The following RPA3 variants were observed in gnomAD, a reference collection of about 807,000 sequenced individuals.
RPA3 encodes the protein replication protein A 14 kDa subunit.
Under a neutral mutation model 13.7 loss-of-function variants are expected in RPA3, and 24 were observed. The ratio of observed to expected loss-of-function variants is 1.75; its 90% CI spans 1.27 to 2.46. The LOEUF (loss-of-function observed/expected upper bound fraction) is 2.46, where lower values mean the gene tolerates loss of function less well. Among genes scored for constraint, RPA3 ranks in the 30% most tolerant of loss-of-function variants. RPA3 has a pLI of 0.00. For synonymous variants in RPA3, 59 were observed against 51.2 expected, an observed-to-expected ratio of 1.15 and a Z score of -0.65; for missense variants, 183 against 151.0, an observed-to-expected ratio of 1.21 and a Z score of -1.11.
At chr7:7,703,448 A>G (rs914739629) in intron 2 of RPA3, among the ~76,000 whole-genome samples, 34 of 152,236 alleles carry the variant, frequency 2.2e-4, no homozygotes, top group African/African-American at 8.0e-4. Flanking sequence ...TATTTATTAA[A>G]TAAAAAGAAA....
At chr7:7,685,518 A>G (rs1780023910) in intron 4 of RPA3, among the ~76,000 whole-genome samples, 1 of 152,172 alleles carries the variant, frequency 6.6e-6, no homozygotes, top group South Asian at 2.1e-4. Context: ...CACTTTGGCC[A>G]GGATGGTCTC....
chr7:7,643,433 G>A (rs1436488599), intron 4 of RPA3, among the ~76,000 whole-genome samples: 1 of 152,276 alleles, frequency 6.6e-6, no homozygotes, highest in East Asian at 1.9e-4. Context: ...GATCAGGGCC[G>A]GGCGCGGTGG....
intron 4 of RPA3, among the ~76,000 whole-genome samples, chr7:7,652,744 G>A (rs1785251373): frequency 6.6e-6 from 1 of 152,212 alleles, no homozygotes; most frequent in African/African-American, 2.4e-5. Context: ...ATTAAATAGT[G>A]AACAAACAAA....
At chr7:7,644,117 T>C (rs1171997643) in intron 4 of RPA3, among the ~76,000 whole-genome samples, 1 of 152,182 alleles carries the variant, frequency 6.6e-6, no homozygotes, top group African/African-American at 2.4e-5. Flanking sequence ...TGGAGTTTTT[T>C]CCCCCAATTT....
chr7:7,665,000 T>C (rs1779401056), intron 4 of RPA3, among the ~76,000 whole-genome samples: 1 of 139,078 alleles, frequency 7.2e-6, no homozygotes, highest in Non-Finnish European at 1.6e-5. Flanking sequence ...GGGTGATATA[T>C]AGATATATAT....
rs1156454358 is a variant in RPA3 at position 7,656,651 on chromosome 7, C to CT, written c.-757-15477dup. 2.6e-5 allele frequency among the ~76,000 whole-genome samples: 4 copies of CT among 152,060 alleles called. No individual in the cohort carries two copies. In the East Asian group the frequency reaches 5.8e-4, roughly 22 times the overall value. ...TCCCTGCAAAGGATATGAACTCATTCTTTTTTATGGCTGTATACTATTCCA... is the reference window on the plus strand; with the variant it reads ...TCCCTGCAAAGGATATGAACTCATTCTTTTTTTATGGCTGTATACTATTCCA... On this transcript the variant is annotated intron_variant, in intron 4 of 7. Coordinates refer to ENST00000223129, the MANE Select transcript of RPA3 (RefSeq NM_002947.5).
intron 4 of RPA3, among the ~76,000 whole-genome samples, chr7:7,684,001 C>T (rs1014866066): frequency 2.0e-5 from 3 of 152,188 alleles, no homozygotes; most frequent in African/African-American, 7.2e-5. Flanking sequence ...CCGCTCATAC[C>T]AAAATCCATT....
chr7:7,644,399 A>C (rs1785049536), intron 4 of RPA3, among the ~76,000 whole-genome samples: 1 of 147,834 alleles, frequency 6.8e-6, no homozygotes. Flanking sequence ...ATAGTTAAAC[A>C]TTTTCCCCCT....
At chr7:7,682,485 C>T (rs1441800890) in intron 4 of RPA3, among the ~76,000 whole-genome samples, 1 of 151,868 alleles carries the variant, frequency 6.6e-6, no homozygotes, top group Non-Finnish European at 1.5e-5. Context: ...GTGTTGTTTC[C>T]TTTATTTAAA....
intron 4 of RPA3, among the ~76,000 whole-genome samples, chr7:7,642,648 C>T (rs1785000615): frequency 6.6e-6 from 1 of 152,070 alleles, no homozygotes; most frequent in Admixed American, 6.5e-5. Context: ...TTATAAAATA[C>T]ATGATGTACA....
intron 2 of RPA3, among the ~76,000 whole-genome samples, chr7:7,697,622 T>C (rs1490308338): frequency 6.6e-6 from 1 of 152,192 alleles, no homozygotes; most frequent in Admixed American, 6.5e-5. Flanking sequence ...TTTAAAGATA[T>C]TTTTATTTTT....
chr7:7,708,862 A>C lies in RPA3; in HGVS notation c.-1028+6313T>G, dbSNP rs181765737. Among the ~76,000 whole-genome samples, 46 of 152,184 alleles carry C rather than the reference A, an allele frequency of 3.0e-4. 1 individual carries two copies. The highest frequency in any genetic ancestry group is 1.1e-3 in the African/African-American group (44 of 41,534). ...CAAATGCATATGTATATATACAAATACAGGCAGTTGTATGTTTTTAAGAAG... is the reference window on the plus strand; with the variant it reads ...CAAATGCATATGTATATATACAAATCCAGGCAGTTGTATGTTTTTAAGAAG... On this transcript the variant is annotated intron_variant, in intron 2 of 7. Coordinates refer to ENST00000223129, the MANE Select transcript of RPA3 (RefSeq NM_002947.5).
At chr7:7,673,814 T>C (rs569485561) in intron 4 of RPA3, among the ~76,000 whole-genome samples, 2 of 152,294 alleles carry the variant, frequency 1.3e-5, no homozygotes, top group South Asian at 4.1e-4. Flanking sequence ...AATTAGCATC[T>C]GAAATTAAAT....
chr7:7,716,261 A>G (rs1583768765), intron 1 of RPA3, among the ~76,000 whole-genome samples: 1 of 152,344 alleles, frequency 6.6e-6, no homozygotes, highest in East Asian at 1.9e-4. Context: ...CGATATTATT[A>G]CAACATGGGA....
chr7:7,649,175 A>AAG (rs1554308883), intron 4 of RPA3, among the ~76,000 whole-genome samples: 27,253 of 103,062 alleles, frequency 0.26, 3,257 homozygotes, highest in East Asian at 0.64. Context: ...AAAAAAAAAA[A>AAG]AAAAGAAAAG....
At chr7:7,645,693 G>C (rs1247633146) in intron 4 of RPA3, among the ~76,000 whole-genome samples, 2 of 152,122 alleles carry the variant, frequency 1.3e-5, no homozygotes, top group African/African-American at 4.8e-5. Flanking sequence ...CCTTAATTGA[G>C]ATGATTGAAA....
intron 2 of RPA3, among the ~76,000 whole-genome samples, chr7:7,690,703 A>T (rs1352202896): frequency 6.6e-6 from 1 of 152,094 alleles, no homozygotes; most frequent in Non-Finnish European, 1.5e-5. Flanking sequence ...TGCTAAGGAG[A>T]GAAAGGAAGG....
At chr7:7,653,979 T>G (rs1007377241) in intron 4 of RPA3, among the ~76,000 whole-genome samples, 1 of 152,194 alleles carries the variant, frequency 6.6e-6, no homozygotes, top group Non-Finnish European at 1.5e-5. Context: ...CAATGTAATA[T>G]GAGATTTCCC....
At chr7:7,687,588 C>T (rs1336652562) in intron 2 of RPA3, among the ~76,000 whole-genome samples, 1 of 152,194 alleles carries the variant, frequency 6.6e-6, no homozygotes. Flanking sequence ...TTCACACCCA[C>T]TAAAAGCTGA....
Sources: gnomAD v4.1 joint callset for allele counts (sites outside exome capture counted in the v4.1 genomes callset) on GRCh38, gnomAD v4.1.1 for gene constraint, MANE v1.5 for transcripts, NCBI Gene and HGNC (gene_info 2026-07-23, HGNC 2026-07-21) for gene names.